ROCK1: variants seen among roughly 807,000 people sequenced by gnomAD.
The protein encoded by ROCK1 is Rho associated coiled-coil containing protein kinase 1.
ROCK1 carries 36 observed loss-of-function variants against 196.8 expected under a neutral mutation model. The observed-to-expected ratio is 0.18, with a 90% CI of 0.14 to 0.24. ROCK1 has a LOEUF of 0.24. Among genes scored for constraint, ROCK1 ranks in the 10% least tolerant of loss-of-function variants. The pLI is 1.00. For synonymous variants in ROCK1, 443 were observed against 515.9 expected (o/e 0.86, Z 1.91); for missense variants, 920 against 1,562.0 (o/e 0.59, Z 6.93).
chr18:21,092,308 C>T (rs139856509), intron 1 of ROCK1, among the ~76,000 whole-genome samples: 245 of 152,032 alleles, frequency 1.6e-3, no homozygotes, highest in African/African-American at 5.4e-3. Context: ...AAAACAAAAC[C>T]GGCCAGGCAC....
At chr18:21,003,215 G>T (rs1329777560) in intron 16 of ROCK1, among the ~76,000 whole-genome samples, 1 of 151,998 alleles carries the variant, frequency 6.6e-6, no homozygotes, top group Non-Finnish European at 1.5e-5. Context: ...TTCTGAACAG[G>T]AGCCACTCAC....
intron 9 of ROCK1, among the ~76,000 whole-genome samples, chr18:21,036,758 T>C (rs2036061041): frequency 1.3e-5 from 2 of 152,240 alleles, no homozygotes; most frequent in South Asian, 2.1e-4. Context: ...CACTGTACAA[T>C]AGAGCCACCT....
chr18:20,961,067 A>T (rs1001780410), intron 27 of ROCK1, among the ~76,000 whole-genome samples: 5 of 152,196 alleles, frequency 3.3e-5, no homozygotes, highest in African/African-American at 1.2e-4. Context: ...AAATATAACT[A>T]ATGTCTACTA....
At chr18:20,953,073 G>A (rs1568365234) in intron 32 of ROCK1, among the ~76,000 whole-genome samples, 2 of 152,096 alleles carry the variant, frequency 1.3e-5, no homozygotes, top group Admixed American at 6.6e-5. Context: ...GTATACCCAT[G>A]TAACAAACCT....
chr18:21,071,310 C>T (rs1178247554), intron 1 of ROCK1, among the ~76,000 whole-genome samples: 2 of 151,204 alleles, frequency 1.3e-5, no homozygotes, highest in South Asian at 4.2e-4. Flanking sequence ...TCTTGAGTAG[C>T]GGGGACTACA....
chr18:21,021,977 G>A (rs2035916640), intron 11 of ROCK1, among the ~76,000 whole-genome samples: 1 of 152,020 alleles, frequency 6.6e-6, no homozygotes, highest in African/African-American at 2.4e-5. Context: ...CACCAAATGA[G>A]TACTCATATA....
At chr18:21,050,886 A>G (rs1197292560) in intron 2 of ROCK1, among the ~76,000 whole-genome samples, 1 of 152,252 alleles carries the variant, frequency 6.6e-6, no homozygotes, top group East Asian at 1.9e-4. Context: ...ACCATACATC[A>G]GGCTGTACAG....
intron 9 of ROCK1, among the ~76,000 whole-genome samples, chr18:21,031,123 C>A (rs1598535360): frequency 6.6e-6 from 1 of 151,956 alleles, no homozygotes; most frequent in Admixed American, 6.6e-5. Flanking sequence ...CAGCCCACAA[C>A]AAGCAACAAC....
At chr18:21,110,443 TAACTGTCA>T in intron 1 of ROCK1, among the ~76,000 whole-genome samples, 1 of 152,318 alleles carries the variant, frequency 6.6e-6, no homozygotes, top group African/African-American at 2.4e-5. Flanking sequence ...CTTTCCAATT[TAACTGTCA>T]AACGGATCAG....
intron 1 of ROCK1, among the ~76,000 whole-genome samples, chr18:21,085,009 T>C (rs187992074): frequency 6.6e-6 from 1 of 152,248 alleles, no homozygotes; most frequent in Non-Finnish European, 1.5e-5. Context: ...AGGAAAAATA[T>C]TGTATGATTC....
chr18:20,994,017 C>T (rs1413202844), intron 16 of ROCK1, among the ~76,000 whole-genome samples: 1 of 152,072 alleles, frequency 6.6e-6, no homozygotes, highest in Non-Finnish European at 1.5e-5. Flanking sequence ...TAGTCACCTC[C>T]CATATTTCAG....
chr18:20,973,951 TA>T (rs1292812685), intron 22 of ROCK1, among the ~76,000 whole-genome samples: 2 of 152,044 alleles, frequency 1.3e-5, no homozygotes, highest in African/African-American at 4.8e-5. Flanking sequence ...TTTGTATTTT[TA>T]GTAGAGACGG....
intron 18 of ROCK1, among the ~76,000 whole-genome samples, chr18:20,989,419 A>G (rs1478700496): frequency 2.0e-5 from 3 of 152,254 alleles, no homozygotes; most frequent in Non-Finnish European, 4.4e-5. Flanking sequence ...AGCAAAAATA[A>G]TTTAAGATGC....
chr18:21,032,685 A>ATTT (rs539290410), intron 9 of ROCK1, among the ~76,000 whole-genome samples: 1 of 126,332 alleles, frequency 7.9e-6, no homozygotes, highest in African/African-American at 2.9e-5. Flanking sequence ...ATGCCTGGCT[A>ATTT]TTTTTTTTTT....
At chr18:21,012,637 G>C (rs1454132766) in intron 13 of ROCK1, among the ~76,000 whole-genome samples, 1 of 151,972 alleles carries the variant, frequency 6.6e-6, no homozygotes, top group Non-Finnish European at 1.5e-5. Flanking sequence ...ACTTTTTGTG[G>C]TTTGCTAAGC....
chr18:21,049,013 C>G, intron 4 of ROCK1, 79 bp downstream of exon 4: 2 of 1,312,786 alleles, frequency 1.5e-6, no homozygotes, highest in Non-Finnish European at 2.0e-6. Flanking sequence ...TACTACTATT[C>G]TAAAACACAA....
intron 1 of ROCK1, among the ~76,000 whole-genome samples, chr18:21,110,515 G>C (rs1200387783): frequency 6.6e-6 from 1 of 152,172 alleles, no homozygotes; most frequent in Non-Finnish European, 1.5e-5. Context: ...ATACATTGCA[G>C]TAACTCTGAC....
intron 22 of ROCK1, among the ~76,000 whole-genome samples, chr18:20,976,503 C>T (rs2035482279): frequency 6.6e-6 from 1 of 152,138 alleles, no homozygotes; most frequent in African/African-American, 2.4e-5. Flanking sequence ...CATGTGGTAA[C>T]AAATGGCTGG....
chr18:20,950,313 A>T lies in ROCK1; in HGVS notation c.*1071T>A, dbSNP rs1263483484. Reference sequence around the variant, plus strand: ...GCAAAGATTGTACTCAATTTATGAAAGTCCAACAAACCTCTAAATATTTTA... The same window carrying T: ...GCAAAGATTGTACTCAATTTATGAATGTCCAACAAACCTCTAAATATTTTA... On this transcript the variant is annotated 3_prime_UTR_variant, in exon 33 of 33. Transcript: ENST00000399799. 6.6e-6 allele frequency: 1 copy of T among 152,556 alleles called. No homozygotes were observed. The highest frequency in any genetic ancestry group is 1.9e-4 in the East Asian group (1 of 5,202). 9.5% of individuals were successfully genotyped at this position (152,556 alleles called of 1,614,324 possible). A position where few individuals can be genotyped will look rare whatever the true frequency, so the allele number is the denominator to read the frequency against.
Sources: gnomAD v4.1 joint callset for allele counts (sites outside exome capture counted in the v4.1 genomes callset) on GRCh38, gnomAD v4.1.1 for gene constraint, MANE v1.5 for transcripts, NCBI Gene and HGNC (gene_info 2026-07-23, HGNC 2026-07-21) for gene names.